The following HOGA1 variants were observed in gnomAD, a reference collection of about 807,000 sequenced individuals.
HOGA1 encodes the protein 4-hydroxy-2-oxoglutarate aldolase, mitochondrial.
In HOGA1, 30 loss-of-function variants were observed where a neutral mutation model predicts 34.3. The observed-to-expected ratio is 0.87, with a 90% CI of 0.65 to 1.19. The LOEUF (loss-of-function observed/expected upper bound fraction) is 1.19. Among genes scored for constraint, HOGA1 ranks in the 50% most tolerant of loss-of-function variants. HOGA1 has a pLI of 0.00. For missense variants in HOGA1, 417 were observed against 436.5 expected (o/e 0.96, Z 0.40); for synonymous variants, 161 against 174.0 (o/e 0.93, Z 0.59).
chr10:97,601,984 C>A lies in HOGA1; in HGVS notation c.828C>A (p.Asn276Lys), dbSNP rs201683794. 3 of 1,611,954 alleles carry A rather than the reference C, an allele frequency of 1.9e-6. No individual in the cohort carries two copies. Among genetic ancestry groups the A allele is most frequent in the East Asian group, 4.5e-5 (2 of 44,834 alleles). The change falls in exon 6 of 7, where the codon AAC becomes AAA. Residue 276 changes from asparagine (N) to lysine (K), a missense_variant. Physicochemically the swap from Asn to Lys is moderately conservative, Grantham distance 94. Coordinates refer to ENST00000370646, the MANE Select transcript of HOGA1 (RefSeq NM_138413.4). ...TGCAGCACCGCCTCATTGAGCCAAA[C>A]GCTGCGGTGAGCCAGTGGCAGCGGG... ...QKLQHRLIEP[N>K]AAVTRRFGIP... is the part of the protein sequence containing the mutation.
chr10:97,608,001 A>G (rs977750127), intron 6 of HOGA1, among the ~76,000 whole-genome samples: 2 of 152,228 alleles, frequency 1.3e-5, no homozygotes, highest in African/African-American at 4.8e-5. Context: ...CTACTTCTAG[A>G]GAAAGAATAA....
rs2041206294 is a variant in HOGA1 at position 97,612,572 on chromosome 10, C to G, written c.*913C>G. On this transcript the variant is annotated 3_prime_UTR_variant, in exon 7 of 7. Coordinates refer to ENST00000370646, the MANE Select transcript of HOGA1 (RefSeq NM_138413.4). ...ATTCATCTCCTATTCTGGTCTGTAG[C>G]CTTGATTCCAACCATTGAATGCACG... is the stretch of plus-strand genomic sequence containing the variant. 6.6e-6 allele frequency: 1 copy of G among 152,212 alleles called. No individual in the cohort carries two copies. Among genetic ancestry groups the G allele is most frequent in the Admixed American group, 6.5e-5 (1 of 15,278 alleles). 9.4% of individuals were successfully genotyped at this position (152,212 alleles called of 1,614,324 possible). A position where few individuals can be genotyped will look rare whatever the true frequency, so the allele number is the denominator to read the frequency against.
At chr10:97,591,901 C>T (rs962813300) in intron 1 of HOGA1, among the ~76,000 whole-genome samples, 5 of 143,814 alleles carry the variant, frequency 3.5e-5, no homozygotes, top group African/African-American at 7.8e-5. Flanking sequence ...TACAGTGGCG[C>T]GATCTTGGCT....
In HOGA1 at chr10:97,601,996, C is replaced by G. The variant is rs770760973; in HGVS notation, c.834+6C>G. 1 of 1,609,924 alleles carries G rather than the reference C, an allele frequency of 6.2e-7. No homozygotes were observed. On this transcript the variant is annotated splice_donor_region_variant and intron_variant, in intron 6 of 6. Transcript: ENST00000370646. ...TCATTGAGCCAAACGCTGCGGTGAG[C>G]CAGTGGCAGCGGGGGCGCGGCCTGG...
At chr10:97,602,023 G>T in intron 6 of HOGA1, 33 bp downstream of exon 6, 1 of 1,591,244 alleles carries the variant, frequency 6.3e-7, no homozygotes, top group Admixed American at 1.8e-5. Context: ...GCGGCCTGGC[G>T]GGGGGTGGGC....
chr10:97,595,846 T>C (rs1471741348), intron 1 of HOGA1, among the ~76,000 whole-genome samples: 1 of 152,180 alleles, frequency 6.6e-6, no homozygotes, highest in Non-Finnish European at 1.5e-5. Flanking sequence ...AGTCCCTGCT[T>C]CATTGGAGAT....
intron 1 of HOGA1, among the ~76,000 whole-genome samples, chr10:97,587,548 G>A (rs1360697835): frequency 2.6e-5 from 4 of 151,990 alleles, no homozygotes; most frequent in African/African-American, 7.2e-5. Context: ...TTGCTCTGTC[G>A]CTCAGGCTGG....
Position 97,611,554 on chromosome 10 carries a change from C to T in HOGA1, c.879C>T (p.Asp293=). Residue 293 remains aspartate (D), a synonymous_variant, in exon 7 of 7, where the codon GAC becomes GAT. Transcript: ENST00000370646. ...TCCCAGGGCTGAAGAAAATCATGGA[C>T]TGGTTTGGCTACTATGGAGGCCCCT... is the stretch of plus-strand genomic sequence containing the variant. ...FGIPGLKKIM[D]WFGYYGGPCR... is the part of the protein sequence containing the mutation. 1 of 1,614,234 alleles carries T rather than the reference C, an allele frequency of 6.2e-7. No homozygotes were observed. Among genetic ancestry groups the T allele is most frequent in the Non-Finnish European group, 8.5e-7 (1 of 1,180,036 alleles).
rs573292460 is a variant in HOGA1 at position 97,584,809 on chromosome 10, G to A, written c.106G>A (p.Ala36Thr). Residue 36 changes from alanine (A) to threonine (T), a missense_variant, in exon 1 of 7, where the codon GCG becomes ACG. Transcript: ENST00000370646. ...ASGEGKKVDI[A>T]GIYPPVTTPF... ...AGGGGAGGGGAAGAAGGTGGACATT[G>A]CGGGTATCTACCCCCCTGTGACCAC... 94 of 1,613,944 alleles carry A rather than the reference G, an allele frequency of 5.8e-5. 1 individual carries two copies. In the Admixed American group the frequency reaches 7.2e-4, roughly 12 times the overall value.
intron 1 of HOGA1, chr10:97,589,621 ACTCT>A: frequency 3.5e-6 from 1 of 283,850 alleles, no homozygotes; most frequent in Non-Finnish European, 6.8e-6. Flanking sequence ...TCCCCACCCC[ACTCT>A]CCCCACCCCA....
rs559589422 is a variant in HOGA1 at position 97,611,675 on chromosome 10, A to G, written c.*16A>G. On this transcript the variant is annotated 3_prime_UTR_variant, in exon 7 of 7. Coordinates refer to ENST00000370646, the MANE Select transcript of HOGA1 (RefSeq NM_138413.4). ...CTGGCTCTGAGGGCAGGCAGGGTCC[A>G]TGGCTGGCCTGAGCCCATCTCAGCC... 1.0e-4 allele frequency: 168 copies of G among 1,609,052 alleles called. 1 individual carries two copies. The South Asian group carries it at 1.8e-3, about 17-fold the overall frequency.
intron 4 of HOGA1, 55 bp from the exon 5 acceptor site, chr10:97,600,012 C>A (rs1589908540): frequency 6.4e-7 from 1 of 1,563,862 alleles, no homozygotes; most frequent in East Asian, 2.2e-5. Context: ...CTTACCCGGC[C>A]CTCATCCAGG....
chr10:97,601,749 T>C, intron 5 of HOGA1, 108 bp from the exon 6 acceptor site: 12 of 1,349,834 alleles, frequency 8.9e-6, no homozygotes, highest in Non-Finnish European at 1.2e-5. Context: ...CCAAGTGACA[T>C]AGAAATCTGT....
intron 1 of HOGA1, chr10:97,589,781 G>A (rs11540693): frequency 6.1e-5 from 46 of 748,980 alleles, no homozygotes; most frequent in South Asian, 3.3e-4. Flanking sequence ...ATCACCCAGC[G>A]TGCTCTTAGC....
Position 97,611,655 on chromosome 10 carries a change from T to C in HOGA1, c.980T>C (p.Leu327Pro). The C allele has an allele frequency of 6.2e-7, 1 of 1,612,884 alleles. No homozygotes were observed. The change falls in exon 7 of 7, where the codon CTC becomes CCC. Residue 327 changes from leucine (L) to proline (P), a missense_variant. By Grantham distance (98) the Leu-to-Pro change is moderately conservative. Coordinates refer to ENST00000370646, the MANE Select transcript of HOGA1 (RefSeq NM_138413.4). The part of the protein sequence containing the change: ...LRMDFTSNGW[L>P] ...ATGGATTTCACCAGCAACGGCTGGCTCTGAGGGCAGGCAGGGTCCATGGCT... is the reference window on the plus strand; with the variant it reads ...ATGGATTTCACCAGCAACGGCTGGCCCTGAGGGCAGGCAGGGTCCATGGCT...
chr10:97,594,168 C>CTTT lies in HOGA1; in HGVS notation c.212-4584_212-4582dup, dbSNP rs71007354. On this transcript the variant is annotated intron_variant, in intron 1 of 6. Coordinates refer to ENST00000370646, the MANE Select transcript of HOGA1 (RefSeq NM_138413.4). ...ACAGGCATGAGCCACTGCGCCTGGT[C>CTTT]TTTTTTTTTTTTTTTTTTTTTTTTT... Among the ~76,000 whole-genome samples, 49 of 43,458 alleles carry CTTT rather than the reference C, an allele frequency of 1.1e-3. 1 individual carries two copies. The highest frequency in any genetic ancestry group is 4.8e-3 in the East Asian group (6 of 1,252). 28.5% of individuals were successfully genotyped at this position (43,458 alleles called of 152,430 possible). A position where few individuals can be genotyped will look rare whatever the true frequency, so the allele number is the denominator to read the frequency against.
intron 1 of HOGA1, chr10:97,590,617 GC>G: frequency 6.4e-7 from 1 of 1,572,362 alleles, no homozygotes; most frequent in Non-Finnish European, 8.7e-7. Context: ...AGACGCCCCT[GC>G]CCCCAGCAAG....
intron 6 of HOGA1, among the ~76,000 whole-genome samples, chr10:97,606,128 CAAAAAAA>C (rs60230634): frequency 4.2e-5 from 4 of 95,212 alleles, no homozygotes; most frequent in Admixed American, 1.4e-4. Flanking sequence ...ACTAAAAATA[CAAAAAAA>C]AAAAAAAAAA....
intron 6 of HOGA1, among the ~76,000 whole-genome samples, chr10:97,606,103 T>C (rs2041155013): frequency 8.2e-6 from 1 of 121,476 alleles, no homozygotes; most frequent in African/African-American, 3.4e-5. Flanking sequence ...GTCGAGATGG[T>C]GAAACCCCGT....
Sources: allele counts gnomAD v4.1 joint callset (sites outside exome capture counted in the v4.1 genomes callset), GRCh38; gene constraint gnomAD v4.1.1; transcripts MANE v1.5; gene names NCBI Gene and HGNC (gene_info 2026-07-23, HGNC 2026-07-21).